Variants in SAMD11 observed in about 807,000 individuals in gnomAD.
The protein encoded by SAMD11 is sterile alpha motif domain containing 11, also known as sterile alpha motif domain-containing protein 11.
A neutral mutation model predicts 64.4 loss-of-function variants in SAMD11; 77 were observed. The ratio of observed to expected loss-of-function variants is 1.20; its 90% CI spans 0.99 to 1.44. The LOEUF is 1.44. SAMD11 is among the 40% of genes most tolerant of loss of function. The pLI, the probability that SAMD11 is intolerant of heterozygous loss-of-function variation, is 0.00. For missense variants in SAMD11, 1,402 were observed against 943.3 expected, an observed-to-expected ratio of 1.49 and a Z score of -6.37; for synonymous variants, 658 against 421.9, an observed-to-expected ratio of 1.56 and a Z score of -6.86.
At chr1:935,729 G>A (rs756171045) in intron 4 of SAMD11, 43 bp from the exon 5 acceptor site, 6 of 1,610,468 alleles carry the variant, frequency 3.7e-6, no homozygotes, top group South Asian at 2.2e-5. Flanking sequence ...CTCCAGCCTC[G>A]CAGCTGCCCA....
chr1:938,558 C>T (rs1244330187), intron 5 of SAMD11, among the ~76,000 whole-genome samples: 1 of 152,084 alleles, frequency 6.6e-6, no homozygotes, highest in Non-Finnish European at 1.5e-5. Flanking sequence ...GCCTGGGGGG[C>T]CCACAGCCCA....
chr1:928,122 G>C (rs566737633), intron 2 of SAMD11, among the ~76,000 whole-genome samples: 1 of 152,206 alleles, frequency 6.6e-6, no homozygotes, highest in Admixed American at 6.5e-5. Flanking sequence ...GGCCGGGTGT[G>C]GTGGCGCATG....
rs371217242 is a variant in SAMD11 at position 925,949 on chromosome 1, A to G, written c.545A>G (p.Lys182Arg). The change falls in exon 2 of 14, where the codon AAG becomes AGG. Residue 182 changes from lysine to arginine, a missense_variant. Transcript: ENST00000616016. ...KGKSLKTLMS[K>R]GILQVHPPIC... ...AAAAGTCTGAAGACGCTTATGTCCA[A>G]GGGGATCCTGCAGGTGCATCCTCCG... The G allele has an allele frequency of 1.2e-6, 2 of 1,611,966 alleles. No homozygotes were observed. Among genetic ancestry groups the G allele is most frequent in the East Asian group, 2.2e-5 (1 of 44,880 alleles).
At chr1:935,635 G>A (rs1021683515) in intron 4 of SAMD11, 137 bp from the exon 5 acceptor site, 42 of 1,189,958 alleles carry the variant, frequency 3.5e-5, no homozygotes, top group Middle Eastern at 2.1e-4. Context: ...GCCACATGCC[G>A]AGGCGTGGGC....
rs1379689342 is a variant in SAMD11 at position 943,508 on chromosome 1, C to G, written c.2178+131C>G. 4.4e-6 allele frequency: 4 copies of G among 916,370 alleles called. No individual in the cohort carries two copies. The African/African-American group carries it at 5.2e-5, about 12-fold the overall frequency. The allele number at this position is 916,370 out of a possible 1,614,324, so 56.8% of individuals were successfully genotyped here. ...CCCCAAAAGCAGTGCGCAGCAGGGA[C>G]TGGACTGTGCACCCCACCTTTTTTT... On this transcript the variant is annotated intron_variant, in intron 12 of 13. Coordinates refer to ENST00000616016, the MANE Select transcript of SAMD11 (RefSeq NM_001385641.1).
Position 942,469 on chromosome 1 carries a change from C to G in SAMD11, c.1534C>G (p.Arg512Gly). Reference protein sequence around the residue: ...EMFAWQQELLRKQNLARLELP... With the variant: ...EMFAWQQELLGKQNLARLELP... Reference sequence around the variant, plus strand: ...GTTCGCCTGGCAGCAGGAGCTCCTGCGGAAGCAGAACCTGGCCCGGTAGGT... The same window carrying G: ...GTTCGCCTGGCAGCAGGAGCTCCTGGGGAAGCAGAACCTGGCCCGGTAGGT... Residue 512 changes from arginine (R) to glycine (G), a missense_variant, in exon 10 of 14, where the codon CGG becomes GGG. By Grantham distance (125) the Arg-to-Gly change is moderately radical. Transcript: ENST00000616016. 6.7e-7 allele frequency: 1 copy of G among 1,487,162 alleles called. No homozygotes were observed. Among genetic ancestry groups the G allele is most frequent in the Non-Finnish European group, 8.9e-7 (1 of 1,125,182 alleles). 92.1% of individuals were successfully genotyped at this position (1,487,162 alleles called of 1,614,324 possible).
Position 944,432 on chromosome 1 carries a change from T to TCTGCTGA in SAMD11, c.*281_*287dup. On this transcript the variant is annotated 3_prime_UTR_variant, in exon 14 of 14. Coordinates refer to ENST00000616016, the MANE Select transcript of SAMD11 (RefSeq NM_001385641.1). ...CCCCTGGAACTGGGACTGGTCTCGG[T>TCTGCTGA]CTGCTGACGTCAGGGTCAGCTCCCC... 2 of 1,019,486 alleles carry TCTGCTGA rather than the reference T, an allele frequency of 2.0e-6. No individual in the cohort carries two copies. The allele number at this position is 1,019,486 out of a possible 1,614,324, so 63.2% of individuals were successfully genotyped here.
rs1449840505 is a variant in SAMD11, at chr1:924,443, CAAG to C, written c.16_18del (p.Lys6del). The C allele has an allele frequency of 1.3e-5, 2 of 149,614 alleles. No individual in the cohort carries two copies. The highest frequency in any genetic ancestry group is 4.9e-5 in the African/African-American group (2 of 41,160). The allele number at this position is 149,614 out of a possible 1,614,324, so 9.3% of individuals were successfully genotyped here. A position where few individuals can be genotyped will look rare whatever the true frequency, so the allele number is the denominator to read the frequency against. ...GCCACCGGGGCGCCATGCCGGCGGT[CAAG>C]AAGGAGTTCCCGGGCCGCGAGGACC... On this transcript the variant is annotated inframe_deletion, in exon 1 of 14. Coordinates refer to ENST00000616016, the MANE Select transcript of SAMD11 (RefSeq NM_001385641.1).
At chr1:929,731 A>G (rs957293770) in intron 2 of SAMD11, among the ~76,000 whole-genome samples, 1 of 152,188 alleles carries the variant, frequency 6.6e-6, no homozygotes, top group African/African-American at 2.4e-5. Flanking sequence ...ATGAGGGGCC[A>G]CACAAGCCCG....
chr1:939,605 G>T, intron 7 of SAMD11, 193 bp downstream of exon 7: 1 of 970,482 alleles, frequency 1.0e-6, no homozygotes. Flanking sequence ...TGCCCCCTGG[G>T]GCGGGCCACA....
chr1:944,310 A>G lies in SAMD11; in HGVS notation c.*157A>G, dbSNP rs1642016958. On this transcript the variant is annotated 3_prime_UTR_variant, in exon 14 of 14. Transcript: ENST00000616016. ...TTCAAAGGAAAGGAACAAATTTTCA[A>G]AGACTTGGGGGAGTGAAGGCAGAGC... is the stretch of plus-strand genomic sequence containing the variant. The G allele has an allele frequency of 3.1e-5, 43 of 1,392,468 alleles. No homozygotes were observed. Among genetic ancestry groups the G allele is most frequent in the Non-Finnish European group, 3.8e-5 (41 of 1,079,442 alleles). 86.3% of individuals were successfully genotyped at this position (1,392,468 alleles called of 1,614,324 possible).
chr1:942,919 G>T lies in SAMD11; in HGVS notation c.1914G>T (p.Glu638Asp). ...PPKDSDGEDP[E>D]TAAVGCRGPT... ...AAGACTCGGACGGAGAGGACCCCGAGACGGCAGCTGTTGGGTGCAGGGGGC... is the reference window on the plus strand; with the variant it reads ...AAGACTCGGACGGAGAGGACCCCGATACGGCAGCTGTTGGGTGCAGGGGGC... Residue 638 changes from glutamate (E) to aspartate (D), a missense_variant, in exon 11 of 14, where the codon GAG (glutamate) becomes GAT (aspartate). Physicochemically the swap from Glu to Asp is conservative, Grantham distance 45. Transcript: ENST00000616016. The T allele has an allele frequency of 6.4e-7, 1 of 1,555,944 alleles. No individual in the cohort carries two copies. Among genetic ancestry groups the T allele is most frequent in the Admixed American group, 2.0e-5 (1 of 50,760 alleles).
chr1:942,206 A>G lies in SAMD11; in HGVS notation c.1429A>G (p.Arg477Gly). 7.3e-7 allele frequency: 1 copy of G among 1,363,706 alleles called. No homozygotes were observed. Among genetic ancestry groups the G allele is most frequent in the Non-Finnish European group, 9.5e-7 (1 of 1,052,680 alleles). 84.5% of individuals were successfully genotyped at this position (1,363,706 alleles called of 1,614,324 possible). A position where few individuals can be genotyped will look rare whatever the true frequency, so the allele number is the denominator to read the frequency against. ...TCACGTCGCCCTGGGCCCCCATCTC[A>G]GGCCCCCCTTCCTGGGGGTGCCCTC... is the stretch of plus-strand genomic sequence containing the variant. The part of the protein sequence containing the change: ...APHVALGPHL[R>G]PPFLGVPSAL... Residue 477 changes from arginine (R) to glycine (G), a missense_variant, in exon 9 of 14, where the codon AGG becomes GGG. By Grantham distance (125) the Arg-to-Gly change is moderately radical (BLOSUM62 -2). Transcript: ENST00000616016.
chr1:935,892 C>T lies in SAMD11; in HGVS notation c.963C>T (p.Pro321=), dbSNP rs201312730. The T allele has an allele frequency of 3.7e-6, 6 of 1,612,546 alleles. No individual in the cohort carries two copies. The highest frequency in any genetic ancestry group is 2.2e-5 in the East Asian group (1 of 44,848). The change falls in exon 5 of 14, where the codon CCC becomes CCT. Residue 321 remains proline (P), a synonymous_variant. Coordinates refer to ENST00000616016, the MANE Select transcript of SAMD11 (RefSeq NM_001385641.1). ...GCAGCCTGGAGATTGGCCTGCGACCCGCCGGTGAGGAGCACAGGGGGCCTG... is the reference window on the plus strand; with the variant it reads ...GCAGCCTGGAGATTGGCCTGCGACCTGCCGGTGAGGAGCACAGGGGGCCTG... The part of the protein sequence containing the change: ...QRGSLEIGLR[P]AGDLLGKRLG...
rs536397057 is a variant in SAMD11 at position 937,706 on chromosome 1, G to A, written c.968-1334G>A. On this transcript the variant is annotated intron_variant, in intron 5 of 13. Transcript: ENST00000616016. ...CGTGTGTGGCCAGGTGCCCCCCGCC[G>A]CCCGCCGGGCCCAGCCACCCGATCT... Among the ~76,000 whole-genome samples the A allele has an allele frequency of 1.9e-3, 290 of 152,216 alleles. 2 individuals are homozygous for A. The highest frequency in any genetic ancestry group is 6.5e-3 in the African/African-American group (269 of 41,532).
At chr1:928,347 G>A (rs1412132003) in intron 2 of SAMD11, among the ~76,000 whole-genome samples, 2 of 152,336 alleles carry the variant, frequency 1.3e-5, no homozygotes, top group East Asian at 3.9e-4. Context: ...AGCCCAGATT[G>A]TGCCACCGCA....
At position 944,317 on chromosome 1, in the gene SAMD11, G is replaced by T; in HGVS notation, c.*164G>T. 1 of 1,390,268 alleles carries T rather than the reference G, an allele frequency of 7.2e-7. No homozygotes were observed. 86.1% of individuals were successfully genotyped at this position (1,390,268 alleles called of 1,614,324 possible). A position where few individuals can be genotyped will look rare whatever the true frequency, so the allele number is the denominator to read the frequency against. ...GAAAGGAACAAATTTTCAAAGACTT[G>T]GGGGAGTGAAGGCAGAGCCTGGTGC... On this transcript the variant is annotated 3_prime_UTR_variant, in exon 14 of 14. Coordinates refer to ENST00000616016, the MANE Select transcript of SAMD11 (RefSeq NM_001385641.1).
rs140698758 is a variant in SAMD11, at chr1:936,796, C to T, written c.967+900C>T. Among the ~76,000 whole-genome samples the T allele has an allele frequency of 2.0e-3, 306 of 152,268 alleles. 2 individuals carry two copies. Among genetic ancestry groups the T allele is most frequent in the African/African-American group, 6.9e-3 (288 of 41,544 alleles). ...TGGGTGGGGGCAGCTTCTGATGCCG[C>T]GTTGGAGACAGCTGAGAGGCGGTTG... is the stretch of plus-strand genomic sequence containing the variant. On this transcript the variant is annotated intron_variant, in intron 5 of 13. Coordinates refer to ENST00000616016, the MANE Select transcript of SAMD11 (RefSeq NM_001385641.1).
intron 5 of SAMD11, among the ~76,000 whole-genome samples, chr1:937,108 G>A (rs1396899423): frequency 6.6e-6 from 1 of 152,166 alleles, no homozygotes; most frequent in African/African-American, 2.4e-5. Context: ...TCTCCCATAC[G>A]CACTCCGTGT....
Sources: allele counts gnomAD v4.1 joint callset (sites outside exome capture counted in the v4.1 genomes callset), GRCh38; gene constraint gnomAD v4.1.1; transcripts MANE v1.5; gene names NCBI Gene and HGNC (gene_info 2026-07-23, HGNC 2026-07-21).